The following MATK variants were observed in gnomAD, a reference collection of about 807,000 sequenced individuals.
The protein encoded by MATK is megakaryocyte-associated tyrosine-protein kinase.
MATK carries 41 observed loss-of-function variants against 59.8 expected under a neutral mutation model. The ratio of observed to expected loss-of-function variants is 0.69; its 90% CI spans 0.53 to 0.89. MATK has a LOEUF of 0.89. MATK is among the 40% of genes least tolerant of loss of function. MATK has a pLI of 0.00. For synonymous variants in MATK, 308 were observed against 306.1 expected (o/e 1.01, Z -0.06); for missense variants, 593 against 719.6 (o/e 0.82, Z 2.01).
intron 3 of MATK, 69 bp downstream of exon 3, chr19:3,784,756 G>C (rs1568407729): frequency 1.8e-6 from 2 of 1,128,628 alleles, no homozygotes; most frequent in Non-Finnish European, 2.6e-6. Flanking sequence ...CTTCAGGAAG[G>C]GGTCTCAGGG....
At chr19:3,788,976 C>T (rs1020441391), upstream of MATK, among the ~76,000 whole-genome samples, 3 of 152,180 alleles carry the variant, frequency 2.0e-5, no homozygotes, top group African/African-American at 4.8e-5. Flanking sequence ...TAGGCGTGAG[C>T]CACGGCGCAT....
At position 3,778,700 on chromosome 19, in the gene MATK, TCTC is replaced by T. The variant is rs905194707; in HGVS notation, c.1198-108_1198-106del. On this transcript the variant is annotated intron_variant, in intron 12 of 13. Transcript: ENST00000310132. Reference sequence around the variant, plus strand: ...TGGGTTGACCCTCACTCTCTGGTCTTCTCCTAATTGAGTCCTCCCCCAACGCCG... The same window carrying T: ...TGGGTTGACCCTCACTCTCTGGTCTTCTAATTGAGTCCTCCCCCAACGCCG... 15 of 1,291,928 alleles carry T rather than the reference TCTC, an allele frequency of 1.2e-5. No individual in the cohort carries two copies. In the African/African-American group the frequency reaches 1.9e-4, roughly 16 times the overall value. 80.0% of individuals were successfully genotyped at this position (1,291,928 alleles called of 1,614,324 possible). A position where few individuals can be genotyped will look rare whatever the true frequency, so the allele number is the denominator to read the frequency against.
chr19:3,783,969 G>C lies in MATK; in HGVS notation c.427C>G (p.Leu143Val). The change falls in exon 6 of 14, where the codon CTG becomes GTG. Residue 143 changes from leucine to valine, a missense_variant. By Grantham distance (32) the Leu-to-Val change is conservative. Coordinates refer to ENST00000310132, the MANE Select transcript of MATK (RefSeq NM_139355.3). ...VQQLQPPEDG[L>V]FLVRESARHP... ...CGCGCGGACTCCCGCACCAGGAACAGCCCATCCTCGGGAGGCTGCAGCTGC... is the reference window on the plus strand; with the variant it reads ...CGCGCGGACTCCCGCACCAGGAACACCCCATCCTCGGGAGGCTGCAGCTGC... 2.5e-6 allele frequency: 4 copies of C among 1,612,192 alleles called. No homozygotes were observed. Among genetic ancestry groups the C allele is most frequent in the Non-Finnish European group, 3.4e-6 (4 of 1,179,540 alleles).
upstream of MATK, among the ~76,000 whole-genome samples, chr19:3,791,025 G>A (rs763825242): frequency 6.6e-6 from 1 of 152,148 alleles, no homozygotes; most frequent in Non-Finnish European, 1.5e-5. Context: ...TAGAACCAGC[G>A]ATGCCTGGAA....
At chr19:3,795,380 C>T (rs2037584367) in intron 1 of MATK, among the ~76,000 whole-genome samples, 1 of 150,506 alleles carries the variant, frequency 6.6e-6, no homozygotes, top group Non-Finnish European at 1.5e-5. Flanking sequence ...TCAAGCAATT[C>T]TCATGTCTCA....
chr19:3,795,516 C>T (rs2037585799), intron 1 of MATK, among the ~76,000 whole-genome samples: 1 of 151,996 alleles, frequency 6.6e-6, no homozygotes, highest in South Asian at 2.1e-4. Context: ...GATCTGCCCA[C>T]TTTGGCCTCC....
chr19:3,785,094 G>A lies in MATK; in HGVS notation c.42C>T (p.His14=), dbSNP rs1204596241. Residue 14 remains histidine (H), a synonymous_variant, in exon 2 of 14, where the codon CAC becomes CAT. Coordinates refer to ENST00000310132, the MANE Select transcript of MATK (RefSeq NM_139355.3). ...GAAGTTCCTCAGCAGAATCACAGCC[G>A]TGAAATGCCCGCCAGGAAACCAGAG... The part of the protein sequence containing the change: ...RGSLVSWRAF[H]GCDSAEELPR... 5.0e-6 allele frequency: 8 copies of A among 1,614,000 alleles called. No individual in the cohort carries two copies. The highest frequency in any genetic ancestry group is 1.7e-5 in the Admixed American group (1 of 59,998).
rs180806565 is a variant in MATK, at chr19:3,796,767, G to A, written c.-58+4765C>T. 5.7e-3 allele frequency among the ~76,000 whole-genome samples: 874 copies of A among 152,230 alleles called. 3 individuals are homozygous for A. The highest frequency in any genetic ancestry group is 0.01 in the Non-Finnish European group (681 of 68,016). The stretch of plus-strand genomic sequence containing the variant: ...TTTCTTGGTTTGGTCCCTTGTTTTA[G>A]GAATGTGCTCCCCCTAGGGTTTCCA... On this transcript the variant is annotated intron_variant, in intron 1 of 13. Coordinates refer to the MATK transcript ENST00000395045.
At chr19:3,799,726 A>AC (rs2037626175) in intron 1 of MATK, among the ~76,000 whole-genome samples, 1 of 152,180 alleles carries the variant, frequency 6.6e-6, no homozygotes, top group African/African-American at 2.4e-5. Context: ...CTGTGGTCCC[A>AC]GCTACTTGGG....
chr19:3,782,830 A>C, intron 7 of MATK: 2 of 443,568 alleles, frequency 4.5e-6, no homozygotes, highest in South Asian at 2.7e-5. Flanking sequence ...GGTCTTGGGA[A>C]CCTGGCCAAG....
chr19:3,778,311 C>T lies in MATK; in HGVS notation c.1396G>A (p.Ala466Thr), dbSNP rs762904558. Residue 466 changes from alanine to threonine, a missense_variant, in exon 14 of 14, where the codon GCC becomes ACC. Ala to Thr is a moderately conservative substitution (Grantham distance 58). Coordinates refer to ENST00000310132, the MANE Select transcript of MATK (RefSeq NM_139355.3). ...LMSSCWEAEPARRPPFRKLAE... is the reference protein window; with the variant it reads ...LMSSCWEAEPTRRPPFRKLAE... ...AGTTTGCGGAAGGGTGGCCGGCGGG[C>T]GGGCTCTGCCTCCCAGCAGCTGCTC... 1.9e-5 allele frequency: 30 copies of T among 1,575,276 alleles called. No individual in the cohort carries two copies. In the Admixed American group the frequency reaches 2.0e-4, roughly 11 times the overall value.
intron 1 of MATK, among the ~76,000 whole-genome samples, chr19:3,800,256 G>A (rs567023945): frequency 5.9e-5 from 9 of 152,276 alleles, no homozygotes; most frequent in African/African-American, 1.2e-4. Context: ...AATCAATGTC[G>A]TTATAATACC....
At chr19:3,789,369 C>A, upstream of MATK, 1 of 748,972 alleles carries the variant, frequency 1.3e-6, no homozygotes, top group Non-Finnish European at 2.5e-6. Context: ...TTAAGATGCT[C>A]TAGCACCCCA....
Position 3,784,153 on chromosome 19 carries a change from G to A in MATK, c.333C>T (p.Leu111=), listed in dbSNP as rs577006511. The A allele has an allele frequency of 4.3e-6, 7 of 1,612,996 alleles. No homozygotes were observed. In the South Asian group the frequency reaches 7.7e-5, roughly 18 times the overall value. Residue 111 remains leucine (L), a synonymous_variant, in exon 5 of 14, where the codon CTC becomes CTT. Transcript: ENST00000310132. ...TGAGGCTGAGCTTGGGGTCTGCGGAGAGGGCCTCCCGCTCCCGCAGCGCCC... is the reference window on the plus strand; with the variant it reads ...TGAGGCTGAGCTTGGGGTCTGCGGAAAGGGCCTCCCGCTCCCGCAGCGCCC... ...AAGALREREA[L]SADPKLSLMP...
rs374575707 is a variant in MATK at position 3,784,778 on chromosome 19, T to A, written c.132+47A>T. ...AAGGGGTCTCAGGGTGTGGACGGAG[T>A]TGAAGAAGGACCCGGGGAGCAGAGG... On this transcript the variant is annotated intron_variant, in intron 3 of 13. Coordinates refer to ENST00000310132, the MANE Select transcript of MATK (RefSeq NM_139355.3). 1.4e-5 allele frequency: 20 copies of A among 1,433,746 alleles called. No homozygotes were observed. The African/African-American group carries it at 2.4e-4, about 18-fold the overall frequency. 88.8% of individuals were successfully genotyped at this position (1,433,746 alleles called of 1,614,324 possible). A position where few individuals can be genotyped will look rare whatever the true frequency, so the allele number is the denominator to read the frequency against.
At position 3,778,997 on chromosome 19, in the gene MATK, GT is replaced by G; in HGVS notation, c.1191del (p.Lys397AsnfsTer34). 6.4e-7 allele frequency: 1 copy of G among 1,560,048 alleles called. No homozygotes were observed. On this transcript the variant is annotated frameshift_variant, in exon 12 of 14. Transcript: ENST00000310132. LOFTEE classifies it high-confidence loss of function. Reference protein sequence around the residue: ...PVKWTAPEALKHGKFTSKSDV... With the variant: ...PVKWTAPEALXHGKFTSKSDV... ...TATGTGAAGGCAGGGCTCACCCCGT[GT>G]TTGAGAGCCTCGGGCGCCGTCCACT...
intron 3 of MATK, 102 bp from the exon 4 acceptor site, chr19:3,784,553 G>A: frequency 3.8e-6 from 3 of 788,360 alleles, no homozygotes; most frequent in East Asian, 2.7e-5. Context: ...AAGGTATAGA[G>A]ATTGGAAAAG....
intron 8 of MATK, 131 bp downstream of exon 8, chr19:3,781,476 G>T: frequency 2.2e-6 from 2 of 925,066 alleles, no homozygotes; most frequent in African/African-American, 1.6e-5. Flanking sequence ...GAGGCTCAGA[G>T]GATTTGCACG....
chr19:3,791,981 G>C (rs549305855), intron 1 of MATK, among the ~76,000 whole-genome samples: 1 of 152,132 alleles, frequency 6.6e-6, no homozygotes, highest in African/African-American at 2.4e-5. Context: ...GGCGGCGGGT[G>C]CCTATAATCC....
Sources: allele counts gnomAD v4.1 joint callset (sites outside exome capture counted in the v4.1 genomes callset), GRCh38; gene constraint gnomAD v4.1.1; transcripts MANE v1.5; gene names NCBI Gene and HGNC (gene_info 2026-07-23, HGNC 2026-07-21).